Variants in VPS37A observed in about 807,000 individuals in gnomAD.
VPS37A encodes the protein VPS37A subunit of ESCRT-I.
VPS37A carries 30 observed loss-of-function variants against 49.8 expected under a neutral mutation model. The observed-to-expected ratio is 0.60, with a 90% CI of 0.45 to 0.82. The LOEUF (loss-of-function observed/expected upper bound fraction) is 0.82. VPS37A is among the 40% of genes least tolerant of loss of function. VPS37A has a pLI of 0.00. For missense variants in VPS37A, 593 were observed against 464.4 expected (o/e 1.28, Z -2.55); for synonymous variants, 195 against 160.6 (o/e 1.21, Z -1.62).
chr8:17,268,237 C>A, intron 2 of VPS37A, 21 bp from the exon 3 acceptor site: 1 of 1,525,814 alleles, frequency 6.6e-7, no homozygotes, highest in Non-Finnish European at 9.0e-7. Flanking sequence ...TTTTGTTTTT[C>A]ATCTGTTCTA....
downstream of VPS37A, chr8:17,302,081 A>G: frequency 6.3e-7 from 1 of 1,580,492 alleles, no homozygotes; most frequent in Non-Finnish European, 8.7e-7. Flanking sequence ...CTGAATCTTA[A>G]GAGGCTTTCA....
At chr8:17,309,115 C>T in the VPS37A span, among the ~76,000 whole-genome samples, 1 of 152,188 alleles carries the variant, frequency 6.6e-6, no homozygotes, top group Non-Finnish European at 1.5e-5. Flanking sequence ...TCAGTTATAA[C>T]TTCATTTATC....
At position 17,280,060 on chromosome 8, in the gene VPS37A, A is replaced by C; in HGVS notation, c.746A>C (p.Glu249Ala). 6.2e-7 allele frequency: 1 copy of C among 1,612,136 alleles called. No homozygotes were observed. The highest frequency in any genetic ancestry group is 1.1e-5 in the South Asian group (1 of 90,694). The stretch of plus-strand genomic sequence containing the variant: ...CAACTCACAGATATGAATGAACAAG[A>C]GGAGGTATTACTAGAACAGTTTCTG... ...VSQLTDMNEQ[E>A]EVLLEQFLTL... The change falls in exon 7 of 12, where the codon GAG (glutamate) becomes GCG (alanine). Residue 249 changes from glutamate (E) to alanine (A), a missense_variant. Coordinates refer to ENST00000324849, the MANE Select transcript of VPS37A (RefSeq NM_152415.3).
intron 1 of VPS37A, among the ~76,000 whole-genome samples, chr8:17,254,423 C>T (rs567114111): frequency 2.0e-5 from 3 of 152,284 alleles, no homozygotes; most frequent in African/African-American, 4.8e-5. Context: ...GGAAAAGAGG[C>T]TAATTCCCTA....
the VPS37A span, among the ~76,000 whole-genome samples, chr8:17,324,482 G>A: frequency 6.6e-6 from 1 of 152,214 alleles, no homozygotes; most frequent in Non-Finnish European, 1.5e-5. Flanking sequence ...ATGCATCCAT[G>A]CTCTTCCTCT....
the VPS37A span, among the ~76,000 whole-genome samples, chr8:17,324,146 T>A: frequency 6.6e-6 from 1 of 152,318 alleles, no homozygotes; most frequent in Non-Finnish European, 1.5e-5. Context: ...GATCTTTCCT[T>A]CCTGCCATGA....
chr8:17,258,731 A>G (rs775965095), intron 1 of VPS37A, among the ~76,000 whole-genome samples: 2 of 152,084 alleles, frequency 1.3e-5, no homozygotes, highest in Non-Finnish European at 2.9e-5. Flanking sequence ...TCACCAGCGA[A>G]GCTATCAGGT....
chr8:17,288,201 CAAGTT>C (rs1212393149), intron 11 of VPS37A, among the ~76,000 whole-genome samples: 1 of 152,034 alleles, frequency 6.6e-6, no homozygotes, highest in Non-Finnish European at 1.5e-5. Flanking sequence ...CCCTCATAGT[CAAGTT>C]ATTTTATAGG....
chr8:17,255,558 T>G (rs181491529), intron 1 of VPS37A, among the ~76,000 whole-genome samples: 7 of 152,256 alleles, frequency 4.6e-5, no homozygotes, highest in Non-Finnish European at 1.0e-4. Flanking sequence ...AAATTATTGT[T>G]TATTCTGTAA....
At chr8:17,311,860 A>C in the VPS37A span, 1 of 592,514 alleles carries the variant, frequency 1.7e-6, no homozygotes, top group African/African-American at 1.9e-5. Flanking sequence ...GCCACCACTC[A>C]AGTCACCTCC....
intron 10 of VPS37A, among the ~76,000 whole-genome samples, chr8:17,285,088 A>G (rs1011039003): frequency 2.9e-4 from 44 of 152,082 alleles, no homozygotes; most frequent in African/African-American, 9.7e-4. Context: ...GTATCAAATT[A>G]CTTTAGCATA....
intron 4 of VPS37A, among the ~76,000 whole-genome samples, chr8:17,272,934 C>G (rs1186399396): frequency 2.0e-5 from 3 of 150,310 alleles, no homozygotes; most frequent in East Asian, 1.9e-4. Flanking sequence ...ATATATAATT[C>G]CTGAGCTGTT....
At chr8:17,259,425 G>A (rs2150359993) in intron 1 of VPS37A, among the ~76,000 whole-genome samples, 1 of 152,148 alleles carries the variant, frequency 6.6e-6, no homozygotes, top group South Asian at 2.1e-4. Context: ...TTGCATTGTG[G>A]TCAGAAAACA....
rs140916718 is a variant in VPS37A, at chr8:17,254,549, G to C, written c.125+7180G>C. Reference sequence around the variant, plus strand: ...TGCATTGACCTGGTTCAAGGGCTTAGAGGACCTTCAAACTGCTCCAAACTT... The same window carrying C: ...TGCATTGACCTGGTTCAAGGGCTTACAGGACCTTCAAACTGCTCCAAACTT... On this transcript the variant is annotated intron_variant, in intron 1 of 11. Coordinates refer to ENST00000324849, the MANE Select transcript of VPS37A (RefSeq NM_152415.3). Among the ~76,000 whole-genome samples, 311 of 152,268 alleles carry C rather than the reference G, an allele frequency of 2.0e-3. 1 individual carries two copies. Among genetic ancestry groups the C allele is most frequent in the African/African-American group, 7.0e-3 (289 of 41,566 alleles).
At chr8:17,319,065 G>T in the VPS37A span, among the ~76,000 whole-genome samples, 1 of 152,192 alleles carries the variant, frequency 6.6e-6, no homozygotes, top group East Asian at 1.9e-4. Flanking sequence ...GTTTAACTTA[G>T]ATTTTAGTAT....
chr8:17,256,906 C>G (rs774030788), intron 1 of VPS37A, among the ~76,000 whole-genome samples: 53 of 152,214 alleles, frequency 3.5e-4, no homozygotes, highest in Admixed American at 7.2e-4. Flanking sequence ...CCTGCCTTGG[C>G]CTCACTGTGT....
At chr8:17,249,529 C>T (rs779803748) in intron 1 of VPS37A, among the ~76,000 whole-genome samples, 2 of 152,142 alleles carry the variant, frequency 1.3e-5, no homozygotes, top group Non-Finnish European at 2.9e-5. Context: ...AAATTATACT[C>T]GAATAATTCC....
chr8:17,282,689 C>A (rs914821930), intron 9 of VPS37A, among the ~76,000 whole-genome samples: 1 of 151,960 alleles, frequency 6.6e-6, no homozygotes, highest in Admixed American at 6.6e-5. Context: ...TTATTCTGAT[C>A]CTTAAACATT....
chr8:17,248,523 G>A (rs1308150846), intron 1 of VPS37A: 4 of 352,658 alleles, frequency 1.1e-5, no homozygotes, highest in East Asian at 8.3e-5. Context: ...TTATCCACCC[G>A]CTTCGGCCTC....
Sources: gnomAD v4.1 joint callset for allele counts (sites outside exome capture counted in the v4.1 genomes callset) on GRCh38, gnomAD v4.1.1 for gene constraint, MANE v1.5 for transcripts, NCBI Gene and HGNC (gene_info 2026-07-23, HGNC 2026-07-21) for gene names.